Variants in MED12L observed in about 807,000 individuals in gnomAD.
MED12L encodes mediator of RNA polymerase II transcription subunit 12-like protein.
A neutral mutation model predicts 281.3 loss-of-function variants in MED12L; 60 were observed. That is an observed-to-expected ratio of 0.21 (90% confidence interval 0.17 to 0.26). MED12L has a LOEUF of 0.26. Ranked by LOEUF, MED12L falls within the 10% of genes least tolerant of loss-of-function variation. The pLI is 1.00. For missense variants in MED12L, 2,146 were observed against 2,680.9 expected (o/e 0.80, Z 4.41); for synonymous variants, 974 against 987.2 (o/e 0.99, Z 0.25).
chr3:151,240,923 T>G (rs1016801763), intron 16 of MED12L, among the ~76,000 whole-genome samples: 2 of 152,210 alleles, frequency 1.3e-5, no homozygotes, highest in African/African-American at 4.8e-5. Flanking sequence ...CTTGCCTGAA[T>G]CACTGAACCT....
chr3:151,088,907 G>A (rs1007267705), intron 2 of MED12L, among the ~76,000 whole-genome samples: 1 of 152,088 alleles, frequency 6.6e-6, no homozygotes, highest in Non-Finnish European at 1.5e-5. Context: ...TTTCCCCCAA[G>A]GCAGCCAATG....
chr3:151,402,120 C>T (rs1486473043), intron 39 of MED12L, among the ~76,000 whole-genome samples: 1 of 152,096 alleles, frequency 6.6e-6, no homozygotes, highest in African/African-American at 2.4e-5. Flanking sequence ...TATTATTTGC[C>T]TGGGAAATTC....
intron 16 of MED12L, among the ~76,000 whole-genome samples, chr3:151,232,770 C>T (rs1031755364): frequency 6.6e-6 from 1 of 152,128 alleles, no homozygotes; most frequent in Non-Finnish European, 1.5e-5. Context: ...ACAGTAGACA[C>T]TGAGGCTTAC....
intron 16 of MED12L, chr3:151,294,977 A>G (rs747755482): frequency 1.2e-6 from 2 of 1,614,048 alleles, no homozygotes; most frequent in Non-Finnish European, 1.7e-6. Flanking sequence ...TGTCAGCGTC[A>G]TTATGAGGTC....
intron 16 of MED12L, among the ~76,000 whole-genome samples, chr3:151,277,354 C>A (rs539916383): frequency 6.6e-6 from 1 of 152,212 alleles, no homozygotes; most frequent in South Asian, 2.1e-4. Context: ...GTTTACAAAT[C>A]ATAAAATATG....
intron 38 of MED12L, 55 bp downstream of exon 38, chr3:151,390,190 CTT>C: frequency 1.3e-6 from 2 of 1,577,642 alleles, no homozygotes; most frequent in African/African-American, 2.7e-5. Flanking sequence ...TTGTGGTTCT[CTT>C]TGCTTTTAAC....
chr3:151,327,907 A>G lies in MED12L; in HGVS notation c.2251-22152A>G, dbSNP rs983401630. The G allele has an allele frequency of 5.0e-6, 5 of 994,238 alleles. No individual in the cohort carries two copies. The African/African-American group carries it at 6.5e-5, about 13-fold the overall frequency. The allele number at this position is 994,238 out of a possible 1,614,324, so 61.6% of individuals were successfully genotyped here. A position where few individuals can be genotyped will look rare whatever the true frequency, so the allele number is the denominator to read the frequency against. ...AAAATGTAAGAGAGCATTTGTTCCA[A>G]TCTTTTTTTCTTGGTTAAATTTGAT... On this transcript the variant is annotated intron_variant, in intron 16 of 44. Transcript: ENST00000687756.
chr3:151,354,503 A>T (rs1374459903), intron 17 of MED12L, among the ~76,000 whole-genome samples: 2 of 152,230 alleles, frequency 1.3e-5, no homozygotes, highest in Admixed American at 1.3e-4. Context: ...AAGTAACAAG[A>T]TGAGTCTCCA....
chr3:151,312,924 ACT>A (rs1747742517), intron 16 of MED12L, among the ~76,000 whole-genome samples: 1 of 152,076 alleles, frequency 6.6e-6, no homozygotes, highest in South Asian at 2.1e-4. Flanking sequence ...TGTAGTAATA[ACT>A]CAGTATTGAC....
chr3:151,229,701 G>A (rs1052037975), intron 16 of MED12L, among the ~76,000 whole-genome samples: 1 of 151,816 alleles, frequency 6.6e-6, no homozygotes, highest in African/African-American at 2.4e-5. Context: ...TCCTGACCTC[G>A]TGATCCGCCT....
At chr3:151,228,669 A>G (rs1052324195) in intron 16 of MED12L, among the ~76,000 whole-genome samples, 4 of 152,152 alleles carry the variant, frequency 2.6e-5, no homozygotes, top group African/African-American at 9.7e-5. Context: ...GAGTGTATGT[A>G]TGAAGTCCAG....
chr3:151,241,579 C>A (rs1734085601), intron 16 of MED12L, among the ~76,000 whole-genome samples: 2 of 152,122 alleles, frequency 1.3e-5, no homozygotes. Context: ...AACTGGAATA[C>A]ATATGCACAC....
intron 43 of MED12L, among the ~76,000 whole-genome samples, chr3:151,422,709 C>T (rs554223305): frequency 6.6e-6 from 1 of 151,614 alleles, no homozygotes; most frequent in African/African-American, 2.4e-5. Context: ...TTTTAGGGAA[C>T]ATAATTCAAC....
intron 39 of MED12L, among the ~76,000 whole-genome samples, chr3:151,395,763 A>C (rs1435284074): frequency 1.3e-5 from 2 of 152,260 alleles, no homozygotes; most frequent in Non-Finnish European, 2.9e-5. Flanking sequence ...ACATGGAAAT[A>C]GCGAATCTAC....
At chr3:151,319,464 T>TGTGC (rs1553777816) in intron 16 of MED12L, among the ~76,000 whole-genome samples, 7 of 95,936 alleles carry the variant, frequency 7.3e-5, no homozygotes, top group African/African-American at 2.6e-4. Context: ...TGTGTGTGTG[T>TGTGC]GTGCGTGTGT....
intron 16 of MED12L, among the ~76,000 whole-genome samples, chr3:151,262,512 C>A (rs1000854535): frequency 3.3e-5 from 5 of 152,236 alleles, no homozygotes; most frequent in African/African-American, 1.2e-4. Context: ...ATAGTTCAGC[C>A]TTTTGGAGGT....
chr3:151,365,815 A>G (rs1419784149), intron 22 of MED12L, 35 bp from the exon 23 acceptor site: 23 of 1,559,706 alleles, frequency 1.5e-5, no homozygotes, highest in South Asian at 7.2e-5. Context: ...TCTTTTGTAC[A>G]AGGTTACTTT....
At chr3:151,337,783 C>CA in intron 16 of MED12L, 1 of 1,605,464 alleles carries the variant, frequency 6.2e-7, no homozygotes, top group South Asian at 1.1e-5. Context: ...GTTCTGAACA[C>CA]AAAGAGATTG....
chr3:151,279,145 G>T (rs927995469), intron 16 of MED12L, among the ~76,000 whole-genome samples: 1 of 152,182 alleles, frequency 6.6e-6, no homozygotes, highest in Non-Finnish European at 1.5e-5. Context: ...TCTTCAAAGT[G>T]TATAACTCAG....
Sources: allele counts gnomAD v4.1 joint callset (sites outside exome capture counted in the v4.1 genomes callset), GRCh38; gene constraint gnomAD v4.1.1; transcripts MANE v1.5; gene names NCBI Gene and HGNC (gene_info 2026-07-23, HGNC 2026-07-21).